Variants in ATXN2 observed in about 807,000 individuals in gnomAD.
ATXN2 encodes the protein ataxin 2.
ATXN2 carries 37 observed loss-of-function variants against 138.6 expected under a neutral mutation model. That is an observed-to-expected ratio of 0.27 (90% CI 0.21 to 0.35). ATXN2 has a LOEUF of 0.35. ATXN2 is among the 10% of genes least tolerant of loss of function. The pLI is 1.00. For synonymous variants in ATXN2, 549 were observed against 543.7 expected (o/e 1.01, Z -0.13); for missense variants, 1,216 against 1,480.3 (o/e 0.82, Z 2.93).
chr12:111,566,637 TC>T (rs1796149738), intron 1 of ATXN2, among the ~76,000 whole-genome samples: 1 of 150,598 alleles, frequency 6.6e-6, no homozygotes, highest in African/African-American at 2.5e-5. Flanking sequence ...AAATTGCTTT[TC>T]TTTTTTTTTT....
intron 20 of ATXN2, 73 bp downstream of exon 20, chr12:111,470,035 T>C (rs1876294497): frequency 6.8e-7 from 1 of 1,474,774 alleles, no homozygotes; most frequent in Non-Finnish European, 9.2e-7. Flanking sequence ...TATTCTTAGA[T>C]AGAGTATGTT....
At chr12:111,460,754 G>A (rs1343271121) in intron 21 of ATXN2, among the ~76,000 whole-genome samples, 1 of 152,044 alleles carries the variant, frequency 6.6e-6, no homozygotes, top group African/African-American at 2.4e-5. Context: ...CTGGAAAAAT[G>A]TAAAAATCTT....
chr12:111,569,764 C>T (rs1883209945), intron 1 of ATXN2, among the ~76,000 whole-genome samples: 1 of 152,102 alleles, frequency 6.6e-6, no homozygotes, highest in Non-Finnish European at 1.5e-5. Context: ...TTTACCCCTT[C>T]AGTGCCTTTA....
chr12:111,583,074 C>G (rs746306878), intron 1 of ATXN2, among the ~76,000 whole-genome samples: 1 of 147,256 alleles, frequency 6.8e-6, no homozygotes, highest in Non-Finnish European at 1.5e-5. Flanking sequence ...CTCACTGCAA[C>G]CTCCACCTCC....
At chr12:111,556,418 A>G (rs1034474397) in intron 1 of ATXN2, among the ~76,000 whole-genome samples, 3 of 152,120 alleles carry the variant, frequency 2.0e-5, no homozygotes, top group East Asian at 1.9e-4. Context: ...TCACTGTTAT[A>G]AAGAGCTATT....
chr12:111,596,610 A>T (rs1242990129), intron 1 of ATXN2, among the ~76,000 whole-genome samples: 3 of 152,354 alleles, frequency 2.0e-5, no homozygotes, highest in Middle Eastern at 3.4e-3. Flanking sequence ...ATTCAAAGTA[A>T]TTCTACAAGT....
At chr12:111,584,323 A>G (rs978547827) in intron 1 of ATXN2, among the ~76,000 whole-genome samples, 1 of 128,796 alleles carries the variant, frequency 7.8e-6, no homozygotes, top group Admixed American at 9.8e-5. Flanking sequence ...CAGAGGTTGC[A>G]GTGAGCCGAG....
Position 111,598,014 on chromosome 12 carries a change from G to A in ATXN2, c.251+770C>T. ...GAGGTCTGGCGGGGGAAGGAGGAAG[G>A]CCGGGACGGGGCCGGGCACTCCCCA... On this transcript the variant is annotated intron_variant, in intron 1 of 24. Coordinates refer to ENST00000673436, the MANE Select transcript of ATXN2 (RefSeq NM_001372574.1). The surrounding 1 kb of genome is among the most constrained non-coding windows in gnomAD (Gnocchi z 4.5). The A allele has an allele frequency of 8.4e-7, 1 of 1,195,132 alleles. No individual in the cohort carries two copies. The highest frequency in any genetic ancestry group is 1.1e-6 in the Non-Finnish European group (1 of 942,900). 74.0% of individuals were successfully genotyped at this position (1,195,132 alleles called of 1,614,324 possible).
chr12:111,484,603 AT>A (rs1235156682), intron 18 of ATXN2, among the ~76,000 whole-genome samples: 2 of 151,926 alleles, frequency 1.3e-5, no homozygotes. Flanking sequence ...TGTCCGGCTA[AT>A]TTTTGTATTT....
At position 111,452,952 on chromosome 12, in the gene ATXN2, C is replaced by T. The variant is rs757140627; in HGVS notation, c.3440-112G>A. The T allele has an allele frequency of 6.7e-5, 71 of 1,059,760 alleles. 1 individual carries two copies. Among genetic ancestry groups the T allele is most frequent in the Admixed American group, 4.7e-5 (1 of 21,346 alleles). 65.6% of individuals were successfully genotyped at this position (1,059,760 alleles called of 1,614,324 possible). On this transcript the variant is annotated intron_variant, in intron 24 of 24. Transcript: ENST00000673436. Reference sequence around the variant, plus strand: ...ATCCTCGTGCTAGCTGAACAAAACTCAAAATTGAATTCGCTTTTCCCCCTC... The same window carrying T: ...ATCCTCGTGCTAGCTGAACAAAACTTAAAATTGAATTCGCTTTTCCCCCTC...
chr12:111,459,694 C>T (rs1215565377), intron 21 of ATXN2, among the ~76,000 whole-genome samples: 1 of 151,802 alleles, frequency 6.6e-6, no homozygotes, highest in African/African-American at 2.4e-5. Context: ...TCCGCCTCGG[C>T]CTCCCAAAGT....
intron 1 of ATXN2, among the ~76,000 whole-genome samples, chr12:111,575,565 A>G (rs1161582230): frequency 1.3e-5 from 2 of 152,044 alleles, no homozygotes; most frequent in Non-Finnish European, 1.5e-5. Flanking sequence ...CAAACACCTC[A>G]ATGCCATAAG....
In ATXN2 at chr12:111,539,950, G is replaced by C. The variant is rs972207541; in HGVS notation, c.571+12330C>G. ...CTATGGCAAAAGTGTTCAGAATTAG[G>C]TTAAGGAAAAGTCAGTAAAATGAAA... On this transcript the variant is annotated intron_variant, in intron 5 of 24. Coordinates refer to ENST00000673436, the MANE Select transcript of ATXN2 (RefSeq NM_001372574.1). 2.7e-5 allele frequency among the ~76,000 whole-genome samples: 4 copies of C among 150,054 alleles called. 1 individual carries two copies. Among genetic ancestry groups the C allele is most frequent in the Non-Finnish European group, 6.0e-5 (4 of 67,006 alleles).
chr12:111,559,772 A>AAAAAC (rs1252906251), intron 1 of ATXN2, among the ~76,000 whole-genome samples: 1 of 145,196 alleles, frequency 6.9e-6, no homozygotes, highest in Non-Finnish European at 1.5e-5. Flanking sequence ...GACTATCTCA[A>AAAAAC]AAAACAAAAA....
intron 1 of ATXN2, chr12:111,597,709 C>T: frequency 3.5e-6 from 2 of 573,464 alleles, no homozygotes; most frequent in Non-Finnish European, 6.0e-6. Flanking sequence ...CCTACTACAA[C>T]CCCGGCTTAG....
chr12:111,512,020 G>C (rs917025762), intron 11 of ATXN2: 1 of 151,976 alleles, frequency 6.6e-6, no homozygotes, highest in Non-Finnish European at 1.5e-5. Flanking sequence ...ACCCAGACTG[G>C]AGTGCAATGG....
At chr12:111,454,570 T>C (rs1874918365) in intron 23 of ATXN2, 1 of 158,082 alleles carries the variant, frequency 6.3e-6, no homozygotes, top group Non-Finnish European at 1.4e-5. Context: ...ACTGTCAAGT[T>C]GGAAAGGTGA....
chr12:111,470,132 G>T lies in ATXN2; in HGVS notation c.2818C>A (p.His940Asn). ...CCATACATCGCATGCGTCTGCTCAT[G>T]AGCCCCGTACTGAGTTGCTGAAGAA... is the stretch of plus-strand genomic sequence containing the variant. ...VSSSATQYGA[H>N]EQTHAMYACP... The change falls in exon 20 of 25, where the codon CAT (histidine) becomes AAT (asparagine). Residue 940 changes from histidine to asparagine, a missense_variant. Coordinates refer to ENST00000673436, the MANE Select transcript of ATXN2 (RefSeq NM_001372574.1). 1 of 1,614,062 alleles carries T rather than the reference G, an allele frequency of 6.2e-7. No homozygotes were observed. The highest frequency in any genetic ancestry group is 8.5e-7 in the Non-Finnish European group (1 of 1,179,966).
chr12:111,526,347 C>T (rs1196229793), intron 5 of ATXN2, among the ~76,000 whole-genome samples: 3 of 150,644 alleles, frequency 2.0e-5, no homozygotes, highest in African/African-American at 4.9e-5. Context: ...AGAGTGAGAC[C>T]CTGTCTCAAA....
Sources: gnomAD v4.1 joint callset for allele counts (sites outside exome capture counted in the v4.1 genomes callset) on GRCh38, gnomAD v4.1.1 for gene constraint, Gnocchi (gnomAD v3.1) non-coding constraint, MANE v1.5 for transcripts, NCBI Gene and HGNC (gene_info 2026-07-23, HGNC 2026-07-21) for gene names.